RASAL2: variants seen among roughly 807,000 people sequenced by gnomAD.
RASAL2 encodes RAS protein activator like 2.
In RASAL2, 58 loss-of-function variants were observed where a neutral mutation model predicts 128.9. The observed-to-expected ratio is 0.45, with a 90% CI of 0.36 to 0.56. The LOEUF (loss-of-function observed/expected upper bound fraction) is 0.56, where lower values mean the gene tolerates loss of function less well. RASAL2 is among the 20% of genes least tolerant of loss of function. The pLI is 0.00. For missense variants in RASAL2, 1,360 were observed against 1,601.6 expected, an observed-to-expected ratio of 0.85 and a Z score of 2.57; for synonymous variants, 561 against 580.8, an observed-to-expected ratio of 0.97 and a Z score of 0.49.
intron 1 of RASAL2, among the ~76,000 whole-genome samples, chr1:178,241,820 A>G (rs891848570): frequency 6.6e-6 from 1 of 152,218 alleles, no homozygotes; most frequent in Non-Finnish European, 1.5e-5. Flanking sequence ...AAATACGTAC[A>G]TATATGCATG....
chr1:178,250,984 G>A (rs1416235727), intron 1 of RASAL2, among the ~76,000 whole-genome samples: 1 of 152,146 alleles, frequency 6.6e-6, no homozygotes, highest in Non-Finnish European at 1.5e-5. Flanking sequence ...CATGTTTGCT[G>A]CTACTGTTAA....
intron 1 of RASAL2, among the ~76,000 whole-genome samples, chr1:178,107,418 A>AAAATTTATT (rs1659131945): frequency 1.3e-5 from 2 of 152,190 alleles, no homozygotes; most frequent in Admixed American, 1.3e-4. Context: ...AATAAAAGTG[A>AAAATTTATT]GGATGCTAGA....
At chr1:178,260,395 T>A (rs71514847) in intron 1 of RASAL2, among the ~76,000 whole-genome samples, 6,797 of 63,506 alleles carry the variant, frequency 0.11, 1,808 homozygotes, top group Non-Finnish European at 0.13. Flanking sequence ...TATATATATA[T>A]ATATATATAT....
intron 3 of RASAL2, among the ~76,000 whole-genome samples, chr1:178,342,405 C>T (rs1410180219): frequency 6.6e-6 from 1 of 152,158 alleles, no homozygotes. Context: ...CTCTATACTA[C>T]ATCTGCTAGC....
chr1:178,150,555 A>G (rs939618379), intron 1 of RASAL2, among the ~76,000 whole-genome samples: 1 of 152,186 alleles, frequency 6.6e-6, no homozygotes, highest in Admixed American at 6.5e-5. Context: ...AATGTTGTCT[A>G]TTGTTACATT....
intron 4 of RASAL2, 63 bp from the exon 5 acceptor site, chr1:178,420,448 A>G (rs1675071523): frequency 1.0e-6 from 1 of 997,066 alleles, no homozygotes; most frequent in Non-Finnish European, 1.5e-6. Flanking sequence ...TTGCAGAGAT[A>G]GTGTGGACGA....
rs1438099244 is a variant in RASAL2 at position 178,312,632 on chromosome 1, G to C, written c.457+12514G>C. ...AGTAGAATGCTAAAGACAGAACCAAGTTTAATAGCTCGGTACAAGATGTAG... is the reference window on the plus strand; with the variant it reads ...AGTAGAATGCTAAAGACAGAACCAACTTTAATAGCTCGGTACAAGATGTAG... On this transcript the variant is annotated intron_variant, in intron 3 of 17. Coordinates refer to ENST00000367649, the MANE Select transcript of RASAL2 (RefSeq NM_170692.4). Among the ~76,000 whole-genome samples, 3 of 152,166 alleles carry C rather than the reference G, an allele frequency of 2.0e-5. No homozygotes were observed. In the East Asian group the frequency reaches 5.8e-4, roughly 29 times the overall value.
rs766641687 is a variant in RASAL2 at position 178,473,088 on chromosome 1, T to C, written c.3692T>C (p.Val1231Ala). The C allele has an allele frequency of 1.2e-6, 2 of 1,614,068 alleles. No homozygotes were observed. Among genetic ancestry groups the C allele is most frequent in the East Asian group, 4.5e-5 (2 of 44,898 alleles). The part of the protein sequence containing the change: ...KIIDAQEKRI[V>A]SLDSANTRLM... ...GGTGTGTTGTAGGAAAAACGGATCG[T>C]GTCCCTGGATTCAGCCAACACCAGA... Residue 1231 changes from valine to alanine, a missense_variant, in exon 18 of 18, where the codon GTG (valine) becomes GCG (alanine). Transcript: ENST00000367649.
chr1:178,185,943 A>G (rs530186902), intron 1 of RASAL2, among the ~76,000 whole-genome samples: 41 of 152,184 alleles, frequency 2.7e-4, no homozygotes, highest in African/African-American at 9.9e-4. Flanking sequence ...TTTCTGGAAG[A>G]GATTGTGGAG....
chr1:178,187,681 A>C (rs6701848), intron 1 of RASAL2, among the ~76,000 whole-genome samples: 16,026 of 152,152 alleles, frequency 0.11, 858 homozygotes, highest in Middle Eastern at 0.13. Context: ...TTTAATTATG[A>C]CTGGGTTTAA....
chr1:178,295,771 A>T (rs558218689), intron 2 of RASAL2, among the ~76,000 whole-genome samples: 1 of 152,186 alleles, frequency 6.6e-6, no homozygotes, highest in East Asian at 1.9e-4. Flanking sequence ...TGTTTTGAGA[A>T]CCAGTGCCTT....
Position 178,249,230 on chromosome 1 carries a change from G to T in RASAL2, c.203-34334G>T, listed in dbSNP as rs375638952. 2.0e-5 allele frequency among the ~76,000 whole-genome samples: 3 copies of T among 151,972 alleles called. No homozygotes were observed. In the East Asian group the frequency reaches 5.8e-4, roughly 29 times the overall value. On this transcript the variant is annotated intron_variant, in intron 1 of 17. Transcript: ENST00000367649. ...TAGTCCCATATTTCTTGGAGGCTTTGTTCGTTCCTTTTCATTCTTTTTTCT... is the reference window on the plus strand; with the variant it reads ...TAGTCCCATATTTCTTGGAGGCTTTTTTCGTTCCTTTTCATTCTTTTTTCT...
chr1:178,411,237 A>G (rs1346961238), intron 4 of RASAL2, among the ~76,000 whole-genome samples: 1 of 151,948 alleles, frequency 6.6e-6, no homozygotes, highest in African/African-American at 2.4e-5. Context: ...GAACGAAATA[A>G]TGGCATTCGC....
At chr1:178,436,516 A>C (rs1462919300) in intron 5 of RASAL2, among the ~76,000 whole-genome samples, 1 of 152,102 alleles carries the variant, frequency 6.6e-6, no homozygotes, top group African/African-American at 2.4e-5. Context: ...CTTTCTGTAA[A>C]AGAAGAAAAT....
intron 3 of RASAL2, among the ~76,000 whole-genome samples, chr1:178,300,606 G>A (rs1250318642): frequency 6.6e-6 from 1 of 152,154 alleles, no homozygotes; most frequent in Non-Finnish European, 1.5e-5. Flanking sequence ...CTGGACTATG[G>A]TTGGAGTGGG....
At chr1:178,296,914 T>C (rs1667537651) in intron 2 of RASAL2, among the ~76,000 whole-genome samples, 1 of 151,324 alleles carries the variant, frequency 6.6e-6, no homozygotes, top group South Asian at 2.1e-4. Context: ...TCAGGTGATC[T>C]ACTCACCTCA....
chr1:178,314,946 C>G (rs1453334021), intron 3 of RASAL2, among the ~76,000 whole-genome samples: 5 of 126,074 alleles, frequency 4.0e-5, no homozygotes, highest in South Asian at 3.2e-4. Flanking sequence ...CCCCTCCCCC[C>G]ACCCCACCAC....
intron 2 of RASAL2, among the ~76,000 whole-genome samples, chr1:178,299,511 T>C (rs1287808995): frequency 9.9e-5 from 15 of 152,106 alleles, no homozygotes; most frequent in Non-Finnish European, 2.9e-5. Flanking sequence ...TTTTTTCTTT[T>C]TTTTTGAGAT....
intron 5 of RASAL2, among the ~76,000 whole-genome samples, chr1:178,422,468 A>G (rs1675217599): frequency 6.6e-6 from 1 of 152,122 alleles, no homozygotes; most frequent in African/African-American, 2.4e-5. Context: ...CTCCATTTGA[A>G]TTGTAGAGAT....
Sources: gnomAD v4.1 joint callset for allele counts (sites outside exome capture counted in the v4.1 genomes callset) on GRCh38, gnomAD v4.1.1 for gene constraint, MANE v1.5 for transcripts, NCBI Gene and HGNC (gene_info 2026-07-23, HGNC 2026-07-21) for gene names.